ROBO2: variants seen among roughly 807,000 people sequenced by gnomAD.
ROBO2 encodes roundabout guidance receptor 2, also known as roundabout homolog 2.
ROBO2 carries 53 observed loss-of-function variants against 160.8 expected under a neutral mutation model. That is an observed-to-expected ratio of 0.33 (90% confidence interval 0.26 to 0.41). The LOEUF is 0.41. Among genes scored for constraint, ROBO2 ranks in the 10% least tolerant of loss-of-function variants. ROBO2 has a pLI of 1.00. For missense variants in ROBO2, 1,577 were observed against 1,722.4 expected (o/e 0.92, Z 1.49); for synonymous variants, 664 against 611.7 (o/e 1.09, Z -1.26).
intron 2 of ROBO2, among the ~76,000 whole-genome samples, chr3:76,295,321 G>C (rs148781824): frequency 0.024 from 3,647 of 152,152 alleles, 62 homozygotes; most frequent in South Asian, 0.076. Flanking sequence ...TGTTCTAAAA[G>C]AGCCACCAGG....
At chr3:77,105,464 G>A (rs1273653968) in intron 2 of ROBO2, among the ~76,000 whole-genome samples, 2 of 152,138 alleles carry the variant, frequency 1.3e-5, no homozygotes, top group Non-Finnish European at 2.9e-5. Context: ...ACGCTCCCTA[G>A]CTCCAGGTAC....
At chr3:77,602,366 A>C in exon 20 of ROBO2, 1 of 1,614,190 alleles carries the variant, frequency 6.2e-7, no homozygotes, top group Middle Eastern at 1.6e-4. Flanking sequence ...CAGATCTTGC[A>C]TTCCAACAGC....
chr3:76,528,090 C>A (rs1416069029), intron 2 of ROBO2, among the ~76,000 whole-genome samples: 3 of 152,120 alleles, frequency 2.0e-5, no homozygotes, highest in African/African-American at 7.2e-5. Flanking sequence ...AATTTTATTT[C>A]TTCATTCTTA....
intron 6 of ROBO2, among the ~76,000 whole-genome samples, chr3:77,524,031 G>C (rs2090889857): frequency 6.6e-6 from 1 of 151,100 alleles, no homozygotes; most frequent in Non-Finnish European, 1.5e-5. Flanking sequence ...TATGATTTGG[G>C]CTTCAAATCA....
intron 2 of ROBO2, among the ~76,000 whole-genome samples, chr3:76,270,493 A>G (rs563899688): frequency 1.7e-4 from 26 of 152,188 alleles, no homozygotes; most frequent in African/African-American, 6.3e-4. Flanking sequence ...GCATTACACT[A>G]TAAATGAGAC....
At chr3:76,891,095 A>G (rs974796860) in intron 2 of ROBO2, among the ~76,000 whole-genome samples, 1 of 152,080 alleles carries the variant, frequency 6.6e-6, no homozygotes, top group Non-Finnish European at 1.5e-5. Context: ...TTGTTCATTA[A>G]TATACTTGAT....
intron 21 of ROBO2, among the ~76,000 whole-genome samples, chr3:77,609,804 A>G (rs866083525): frequency 2.4e-3 from 353 of 147,814 alleles, no homozygotes; most frequent in African/African-American, 8.3e-3. Flanking sequence ...ATATATATAT[A>G]TATATATTTA....
intron 2 of ROBO2, among the ~76,000 whole-genome samples, chr3:76,336,988 A>T (rs1310438388): frequency 6.6e-6 from 1 of 152,156 alleles, no homozygotes; most frequent in Admixed American, 6.6e-5. Flanking sequence ...ATTTAAAAAA[A>T]ACCCACAATC....
intron 2 of ROBO2, among the ~76,000 whole-genome samples, chr3:76,222,755 C>T (rs1429567232): frequency 1.3e-5 from 2 of 151,756 alleles, no homozygotes; most frequent in Non-Finnish European, 2.9e-5. Flanking sequence ...CACCATTATC[C>T]CACACTTTTT....
intron 2 of ROBO2, among the ~76,000 whole-genome samples, chr3:76,090,307 T>A (rs2069178835): frequency 6.6e-6 from 1 of 151,974 alleles, no homozygotes; most frequent in Non-Finnish European, 1.5e-5. Flanking sequence ...GTAAGAATAG[T>A]GGCAGGTGCC....
intron 2 of ROBO2, among the ~76,000 whole-genome samples, chr3:75,984,644 T>C (rs1209494476): frequency 6.6e-6 from 1 of 151,500 alleles, no homozygotes; most frequent in Non-Finnish European, 1.5e-5. Flanking sequence ...TTCTGCATGC[T>C]ATGTACATGC....
chr3:75,932,890 T>C (rs1378553291), intron 1 of ROBO2, among the ~76,000 whole-genome samples: 3 of 152,192 alleles, frequency 2.0e-5, no homozygotes, highest in Non-Finnish European at 4.4e-5. Context: ...CTCTAAGTTT[T>C]ATCTTATTAA....
chr3:75,992,101 A>G (rs2065590046), intron 2 of ROBO2, among the ~76,000 whole-genome samples: 1 of 152,152 alleles, frequency 6.6e-6, no homozygotes, highest in African/African-American at 2.4e-5. Flanking sequence ...TGAGATAGAA[A>G]AGAAAATCCC....
At chr3:76,418,620 C>T (rs1368080946) in intron 2 of ROBO2, among the ~76,000 whole-genome samples, 1 of 149,422 alleles carries the variant, frequency 6.7e-6, no homozygotes, top group East Asian at 1.9e-4. Context: ...AACTCCCGAC[C>T]TACTTCTGGT....
At chr3:76,123,569 A>G (rs975946397) in intron 2 of ROBO2, among the ~76,000 whole-genome samples, 1 of 152,026 alleles carries the variant, frequency 6.6e-6, no homozygotes, top group African/African-American at 2.4e-5. Context: ...CTCGCTTATT[A>G]ATTATTTATT....
At chr3:76,307,447 C>A (rs1364492869) in intron 2 of ROBO2, among the ~76,000 whole-genome samples, 1 of 151,720 alleles carries the variant, frequency 6.6e-6, no homozygotes, top group Non-Finnish European at 1.5e-5. Context: ...TCAGGTCTTG[C>A]TGGGGCCTTC....
Position 76,908,673 on chromosome 3 carries a change from T to C in ROBO2, c.110-189341T>C, listed in dbSNP as rs1057403507. Among the ~76,000 whole-genome samples the C allele has an allele frequency of 2.0e-5, 3 of 152,300 alleles. No homozygotes were observed. In the East Asian group the frequency reaches 5.8e-4, roughly 29 times the overall value. ...CACTACCAGAGGTGAAAGGTTACTT[T>C]TGGAAATAAAGACCAGAGAAATCAC... is the stretch of plus-strand genomic sequence containing the variant. On this transcript the variant is annotated intron_variant, in intron 2 of 26. Coordinates refer to the ROBO2 transcript ENST00000487694.
At position 76,717,541 on chromosome 3, in the gene ROBO2, G is replaced by A. The variant is rs536729911; in HGVS notation, c.110-380473G>A. ...AAAGCCCCACTATCAACCTAACAGA[G>A]TTGTGGAGAGTGTAAATGTGAGTAT... On this transcript the variant is annotated intron_variant, in intron 2 of 26. Transcript: ENST00000487694. 2.0e-5 allele frequency among the ~76,000 whole-genome samples: 3 copies of A among 151,964 alleles called. No homozygotes were observed. In the South Asian group the frequency reaches 6.2e-4, roughly 32 times the overall value.
chr3:76,459,944 G>A (rs1042561374), intron 2 of ROBO2, among the ~76,000 whole-genome samples: 26 of 152,034 alleles, frequency 1.7e-4, no homozygotes, highest in African/African-American at 4.1e-4. Context: ...CCAAGAGAGC[G>A]TGTCAAGCCA....
Sources: allele counts gnomAD v4.1 joint callset (sites outside exome capture counted in the v4.1 genomes callset), GRCh38; gene constraint gnomAD v4.1.1; transcripts MANE v1.5; gene names NCBI Gene and HGNC (gene_info 2026-07-23, HGNC 2026-07-21).